EFHB: variants seen among roughly 807,000 people sequenced by gnomAD.
EFHB encodes the protein EF-hand domain family member B.
EFHB carries 91 observed loss-of-function variants against 87.2 expected under a neutral mutation model. The observed-to-expected ratio is 1.04, with a 90% CI of 0.88 to 1.24. EFHB has a LOEUF of 1.24. Among genes scored for constraint, EFHB ranks in the 50% most tolerant of loss-of-function variants. The probability of loss-of-function intolerance (pLI) is 0.00; values close to 1 mark genes in which losing one functional copy is unlikely to be tolerated. For synonymous variants in EFHB, 325 were observed against 333.6 expected (o/e 0.97, Z 0.28); for missense variants, 1,084 against 998.8 (o/e 1.09, Z -1.15).
At chr3:19,935,068 G>A (rs1695979190), upstream of EFHB, among the ~76,000 whole-genome samples, 1 of 152,086 alleles carries the variant, frequency 6.6e-6, no homozygotes, top group African/African-American at 2.4e-5. Context: ...GCGCCACCAT[G>A]CTAGGCTAAT....
intron 5 of EFHB, among the ~76,000 whole-genome samples, chr3:19,912,600 C>T (rs897840097): frequency 6.6e-6 from 1 of 152,176 alleles, no homozygotes; most frequent in Admixed American, 6.5e-5. Flanking sequence ...ATCCAAACTA[C>T]TCTTATCCCG....
chr3:19,899,931 GGC>G (rs1320162448), intron 6 of EFHB, among the ~76,000 whole-genome samples: 1 of 151,958 alleles, frequency 6.6e-6, no homozygotes, highest in Admixed American at 6.6e-5. Flanking sequence ...AAACTAGCTG[GGC>G]GTGGTGGCAT....
intron 5 of EFHB, among the ~76,000 whole-genome samples, chr3:19,908,562 A>AAGAGAGAAAGAGAGAGAGAGAGAGAGAG (rs1559459432): frequency 1.2e-5 from 1 of 83,900 alleles, no homozygotes; most frequent in Non-Finnish European, 2.4e-5. Context: ...GAAAGAGAGA[A>AAGAGAGAAAGAGAGAGAGAGAGAGAGAG]AGAGAGAGAG....
At position 19,899,487 on chromosome 3, in the gene EFHB, T is replaced by C. The variant is rs148372538; in HGVS notation, c.1447A>G (p.Arg483Gly). 2.2e-5 allele frequency: 35 copies of C among 1,606,900 alleles called. No individual in the cohort carries two copies. The African/African-American group carries it at 4.4e-4, about 20-fold the overall frequency. ...MKRGAKFVSKRADDFKEKFQH... is the reference protein window; with the variant it reads ...MKRGAKFVSKGADDFKEKFQH... ...AACTTTTCTTTGAAATCATCTGCTCTTTTGGATACAAACTTAGCTCCTCTT... is the reference window on the plus strand; with the variant it reads ...AACTTTTCTTTGAAATCATCTGCTCCTTTGGATACAAACTTAGCTCCTCTT... The change falls in exon 7 of 13, where the codon AGA becomes GGA. Residue 483 changes from arginine to glycine, a missense_variant. Coordinates refer to ENST00000295824, the MANE Select transcript of EFHB (RefSeq NM_144715.4).
rs150547664 is a variant in EFHB, at chr3:19,923,937, A to T, written c.790-3370T>A. ...TTTCTACTTTTCACCTATTGTTTTAATATGTACTGATGAGCTGGGCATGGT... is the reference window on the plus strand; with the variant it reads ...TTTCTACTTTTCACCTATTGTTTTATTATGTACTGATGAGCTGGGCATGGT... On this transcript the variant is annotated intron_variant, in intron 1 of 12. Coordinates refer to ENST00000295824, the MANE Select transcript of EFHB (RefSeq NM_144715.4). 8.2e-3 allele frequency among the ~76,000 whole-genome samples: 1,242 copies of T among 152,244 alleles called. 7 individuals carry two copies. The highest frequency in any genetic ancestry group is 0.013 in the Admixed American group (197 of 15,300).
chr3:19,925,807 T>C (rs1054569979), intron 1 of EFHB, among the ~76,000 whole-genome samples: 7 of 152,102 alleles, frequency 4.6e-5, no homozygotes, highest in African/African-American at 1.7e-4. Context: ...CACACCACCT[T>C]CCACTCTTCA....
intron 1 of EFHB, among the ~76,000 whole-genome samples, chr3:19,921,705 G>A (rs1264745079): frequency 1.3e-5 from 2 of 152,106 alleles, no homozygotes; most frequent in Non-Finnish European, 2.9e-5. Flanking sequence ...AAAAAAGAAA[G>A]GAGCTGTGTT....
Position 19,933,773 on chromosome 3 carries a change from A to C in EFHB, c.246T>G (p.Thr82=), listed in dbSNP as rs975196860. Residue 82 remains threonine (T), a synonymous_variant, in exon 1 of 13, where the codon ACT becomes ACG. Transcript: ENST00000295824. ...CTCCTAAACTACCCCTCTGCATGAC[A>C]GTCCTAGAAATATTCTGTCTTTCTA... ...MGLERQNISR[T]VMQRGSLGVD... is the part of the protein sequence containing the mutation. The C allele has an allele frequency of 1.1e-5, 17 of 1,613,902 alleles. No individual in the cohort carries two copies. Among genetic ancestry groups the C allele is most frequent in the Non-Finnish European group, 1.4e-5 (17 of 1,179,892 alleles).
chr3:19,885,930 G>A (rs1386311), intron 10 of EFHB, among the ~76,000 whole-genome samples: 57,645 of 152,002 alleles, frequency 0.38, 11,334 homozygotes, highest in African/African-American at 0.45. Context: ...ATAGAATTTG[G>A]TATCAGAAAA....
intron 1 of EFHB, among the ~76,000 whole-genome samples, chr3:19,930,717 G>A (rs570322373): frequency 6.2e-4 from 94 of 152,174 alleles, no homozygotes; most frequent in African/African-American, 1.6e-3. Flanking sequence ...AATGATCTTC[G>A]CACCTCTCCC....
At chr3:19,917,582 G>C (rs1201847221) in intron 4 of EFHB, among the ~76,000 whole-genome samples, 1 of 152,142 alleles carries the variant, frequency 6.6e-6, no homozygotes, top group Non-Finnish European at 1.5e-5. Context: ...ACCTGAAAAA[G>C]AGTAGAGGAG....
At chr3:19,944,149 T>C (rs1696220417) in intron 1 of EFHB, among the ~76,000 whole-genome samples, 1 of 152,210 alleles carries the variant, frequency 6.6e-6, no homozygotes, top group African/African-American at 2.4e-5. Context: ...AGGAAAAATT[T>C]TGAATTGTCT....
intron 7 of EFHB, 85 bp from the exon 8 acceptor site, chr3:19,898,930 T>C: frequency 1.5e-6 from 2 of 1,347,700 alleles, no homozygotes; most frequent in Non-Finnish European, 2.1e-6. Context: ...ATGTTCTTAG[T>C]AGCCCATATT....
chr3:19,899,473 G>A lies in EFHB; in HGVS notation c.1461C>T (p.Phe487=), dbSNP rs1443075454. 2 of 1,606,148 alleles carry A rather than the reference G, an allele frequency of 1.2e-6. No homozygotes were observed. The highest frequency in any genetic ancestry group is 1.7e-6 in the Non-Finnish European group (2 of 1,177,538). The change falls in exon 7 of 13, where the codon TTC becomes TTT. Residue 487 remains phenylalanine (F), a synonymous_variant. Coordinates refer to ENST00000295824, the MANE Select transcript of EFHB (RefSeq NM_144715.4). The part of the protein sequence containing the change: ...AKFVSKRADD[F]KEKFQHKLGR... The stretch of plus-strand genomic sequence containing the variant: ...CAAGTTTATGTTGAAACTTTTCTTT[G>A]AAATCATCTGCTCTTTTGGATACAA...
chr3:19,912,230 C>T (rs1695088406), intron 5 of EFHB, among the ~76,000 whole-genome samples: 1 of 152,110 alleles, frequency 6.6e-6, no homozygotes, highest in African/African-American at 2.4e-5. Flanking sequence ...TACAATGGAG[C>T]TTCAATAAAT....
intron 1 of EFHB, among the ~76,000 whole-genome samples, chr3:19,944,793 T>A (rs1696233554): frequency 1.3e-5 from 2 of 152,202 alleles, no homozygotes; most frequent in Admixed American, 6.5e-5. Flanking sequence ...GTCTTCTTAA[T>A]GTTCGTGATT....
rs1181118568 is a variant in EFHB, at chr3:19,882,665, C to T, written c.2213G>A (p.Ser738Asn). The T allele has an allele frequency of 6.2e-7, 1 of 1,613,788 alleles. No individual in the cohort carries two copies. The highest frequency in any genetic ancestry group is 8.5e-7 in the Non-Finnish European group (1 of 1,179,814). ...DIPAPRIRRISDRTNYGEEGS... is the reference protein window; with the variant it reads ...DIPAPRIRRINDRTNYGEEGS... Reference sequence around the variant, plus strand: ...TTCTTCACCATAATTAGTTCTGTCACTGATGCGACGAATTCGGGGAGCAGG... The same window carrying T: ...TTCTTCACCATAATTAGTTCTGTCATTGATGCGACGAATTCGGGGAGCAGG... The change falls in exon 12 of 13, where the codon AGT becomes AAT. Residue 738 changes from serine (S) to asparagine (N), a missense_variant. Physicochemically the swap from Ser to Asn is conservative, Grantham distance 46. Coordinates refer to ENST00000295824, the MANE Select transcript of EFHB (RefSeq NM_144715.4).
chr3:19,939,241 C>T (rs1696093130), intron 1 of EFHB, among the ~76,000 whole-genome samples: 2 of 152,002 alleles, frequency 1.3e-5, no homozygotes, highest in Admixed American at 1.3e-4. Context: ...CCTGTTGTCC[C>T]CCTTGCTTGG....
chr3:19,892,431 C>G (rs551616090), intron 9 of EFHB, among the ~76,000 whole-genome samples: 83 of 152,272 alleles, frequency 5.5e-4, no homozygotes, highest in Admixed American at 1.0e-3. Flanking sequence ...GAATAATAAT[C>G]AGAATAAAAG....
Sources: gnomAD v4.1 joint callset for allele counts (sites outside exome capture counted in the v4.1 genomes callset) on GRCh38, gnomAD v4.1.1 for gene constraint, MANE v1.5 for transcripts, NCBI Gene and HGNC (gene_info 2026-07-23, HGNC 2026-07-21) for gene names.